Variants in CHST9 observed in about 807,000 individuals in gnomAD.
CHST9 encodes the protein GalNAc-4-sulfotransferase 2.
In CHST9, 41 loss-of-function variants were observed where a neutral mutation model predicts 44.4. That is an observed-to-expected ratio of 0.92 (90% CI 0.72 to 1.20). The LOEUF (loss-of-function observed/expected upper bound fraction) is 1.20, where lower values mean the gene tolerates loss of function less well. Ranked by LOEUF, CHST9 falls within the 50% of genes most tolerant of loss-of-function variation. The pLI, the probability that CHST9 is intolerant of heterozygous loss-of-function variation, is 0.00. For missense variants in CHST9, 504 were observed against 516.5 expected (o/e 0.98, Z 0.23); for synonymous variants, 171 against 178.4 (o/e 0.96, Z 0.33).
chr18:27,033,164 C>T (rs2057358220), intron 3 of CHST9, among the ~76,000 whole-genome samples: 1 of 152,200 alleles, frequency 6.6e-6, no homozygotes, highest in Admixed American at 6.5e-5. Flanking sequence ...AGCTGTTGGG[C>T]AGTGAGTGTT....
intron 4 of CHST9, among the ~76,000 whole-genome samples, chr18:26,945,749 A>C (rs1021798955): frequency 6.6e-6 from 1 of 152,212 alleles, no homozygotes; most frequent in African/African-American, 2.4e-5. Flanking sequence ...TTATTATGTG[A>C]ACATAAATCT....
At chr18:27,105,405 T>C (rs12956646) in intron 2 of CHST9, among the ~76,000 whole-genome samples, 47,821 of 151,930 alleles carry the variant, frequency 0.31, 8,178 homozygotes, top group Non-Finnish European at 0.39. Context: ...TGAGGACTCA[T>C]TGTGATTTAG....
rs375616964 is a variant in CHST9, at chr18:26,910,766, T to C, written c.*5493A>G. ...ACCTCTTTGATACTCAGTTTTCTCATTCATGAAATGATAGGTGGAAAAATA... is the reference window on the plus strand; with the variant it reads ...ACCTCTTTGATACTCAGTTTTCTCACTCATGAAATGATAGGTGGAAAAATA... On this transcript the variant is annotated 3_prime_UTR_variant, in exon 6 of 6. Coordinates refer to ENST00000618847, the MANE Select transcript of CHST9 (RefSeq NM_031422.6). 14 of 152,368 alleles carry C rather than the reference T, an allele frequency of 9.2e-5. No homozygotes were observed. The highest frequency in any genetic ancestry group is 7.7e-4 in the East Asian group (4 of 5,194). The allele number at this position is 152,368 out of a possible 1,614,324, so 9.4% of individuals were successfully genotyped here.
rs546008065 is a variant in CHST9, at chr18:27,089,967, C to T, written c.122-41464G>A. Among the ~76,000 whole-genome samples, 13 of 152,180 alleles carry T rather than the reference C, an allele frequency of 8.5e-5. 1 individual carries two copies. In the South Asian group the frequency reaches 1.7e-3, roughly 19 times the overall value. ...CTGGGACTACAGGTGCCCACCACCA[C>T]GCCCGGCTAATTTTTTTGTGTTTTT... On this transcript the variant is annotated intron_variant, in intron 2 of 5. Transcript: ENST00000618847.
chr18:27,007,830 G>A (rs1246574295), intron 4 of CHST9, among the ~76,000 whole-genome samples: 2 of 152,236 alleles, frequency 1.3e-5, no homozygotes, highest in Middle Eastern at 3.4e-3. Flanking sequence ...AATAGGGTCT[G>A]GGGGGACAGG....
intron 2 of CHST9, among the ~76,000 whole-genome samples, chr18:27,105,868 G>A (rs2058216670): frequency 6.6e-6 from 1 of 152,114 alleles, no homozygotes. Context: ...AAGTTAGAAT[G>A]AGATTTTAAG....
At chr18:27,104,293 T>C (rs1359349686) in intron 2 of CHST9, among the ~76,000 whole-genome samples, 1 of 152,234 alleles carries the variant, frequency 6.6e-6, no homozygotes, top group Non-Finnish European at 1.5e-5. Flanking sequence ...TCACAGTGTC[T>C]GAACAAGGAG....
chr18:27,035,299 C>T (rs527955782), intron 3 of CHST9, among the ~76,000 whole-genome samples: 3 of 152,210 alleles, frequency 2.0e-5, no homozygotes, highest in African/African-American at 7.2e-5. Context: ...CATTTGTATG[C>T]ATTCTTTTGA....
chr18:26,950,180 T>A (rs1467391637), intron 4 of CHST9, among the ~76,000 whole-genome samples: 3 of 152,204 alleles, frequency 2.0e-5, no homozygotes, highest in African/African-American at 7.2e-5. Flanking sequence ...ACACTGCTGC[T>A]GAGTAACTGC....
intron 4 of CHST9, among the ~76,000 whole-genome samples, chr18:26,975,668 TAA>T (rs1198077707): frequency 7.0e-6 from 1 of 142,994 alleles, no homozygotes; most frequent in Non-Finnish European, 1.5e-5. Context: ...TATATATATA[TAA>T]ATATATGTAT....
At chr18:27,071,874 AT>A (rs2057844237) in intron 2 of CHST9, among the ~76,000 whole-genome samples, 1 of 152,332 alleles carries the variant, frequency 6.6e-6, no homozygotes, top group East Asian at 1.9e-4. Flanking sequence ...TTCACAATGA[AT>A]TAGTATAAAT....
chr18:27,053,241 AAGAAGAAGAAGAAGAAGAAGG>A (rs2057601397), intron 2 of CHST9, among the ~76,000 whole-genome samples: 2 of 91,410 alleles, frequency 2.2e-5, no homozygotes, highest in Admixed American at 1.1e-4. Context: ...GAAGAAGAAG[AAGAAGAAGAAGAAGAAGAAGG>A]AGAAGGAGAA....
chr18:27,164,476 TA>T (rs1202469797), intron 1 of CHST9, among the ~76,000 whole-genome samples: 3 of 151,932 alleles, frequency 2.0e-5, no homozygotes, highest in Non-Finnish European at 4.4e-5. Context: ...TGGATTAATT[TA>T]AGAGATTCAA....
intron 1 of CHST9, among the ~76,000 whole-genome samples, chr18:27,171,256 A>C (rs1203119435): frequency 3.9e-5 from 6 of 152,208 alleles, no homozygotes; most frequent in Non-Finnish European, 8.8e-5. Context: ...AAAGTGGCTT[A>C]TGAACTAGAG....
intron 4 of CHST9, among the ~76,000 whole-genome samples, chr18:26,957,284 T>G (rs146886533): frequency 5.0e-4 from 76 of 152,312 alleles, no homozygotes; most frequent in African/African-American, 1.8e-3. Context: ...AGCCTATACT[T>G]CATTCTCTGT....
intron 4 of CHST9, among the ~76,000 whole-genome samples, chr18:26,966,971 G>T (rs1302872828): frequency 1.3e-5 from 2 of 151,736 alleles, no homozygotes; most frequent in Non-Finnish European, 2.9e-5. Context: ...AGATATCTCG[G>T]GTTGGCCTGG....
chr18:27,076,363 T>C (rs1157157138), intron 2 of CHST9, among the ~76,000 whole-genome samples: 1 of 152,162 alleles, frequency 6.6e-6, no homozygotes, highest in Non-Finnish European at 1.5e-5. Flanking sequence ...ATGTGTGTAG[T>C]ATTGGTCCAT....
intron 4 of CHST9, among the ~76,000 whole-genome samples, chr18:26,982,072 C>T (rs2056698344): frequency 6.6e-6 from 1 of 152,132 alleles, no homozygotes; most frequent in Admixed American, 6.5e-5. Context: ...CTTACAGCTG[C>T]CTTTAAGATA....
At chr18:26,998,587 G>A (rs577410725) in intron 4 of CHST9, among the ~76,000 whole-genome samples, 115 of 151,974 alleles carry the variant, frequency 7.6e-4, no homozygotes, top group African/African-American at 2.7e-3. Context: ...TTAGCTGGGT[G>A]TGGTGGTGTG....
Sources: gnomAD v4.1 joint callset for allele counts (sites outside exome capture counted in the v4.1 genomes callset) on GRCh38, gnomAD v4.1.1 for gene constraint, MANE v1.5 for transcripts, NCBI Gene and HGNC (gene_info 2026-07-23, HGNC 2026-07-21) for gene names.